FANCC: variants seen among roughly 807,000 people sequenced by gnomAD.
The protein encoded by FANCC is Fanconi anemia group C protein.
FANCC carries 55 observed loss-of-function variants against 71.3 expected under a neutral mutation model. That is an observed-to-expected ratio of 0.77 (90% CI 0.62 to 0.97). FANCC has a LOEUF of 0.97. Ranked by LOEUF, FANCC falls within the 50% of genes least tolerant of loss-of-function variation. The pLI is 0.00. For synonymous variants in FANCC, 275 were observed against 244.9 expected (o/e 1.12, Z -1.15); for missense variants, 678 against 670.9 (o/e 1.01, Z -0.12).
chr9:95,206,640 AAAG>A (rs1205085828), intron 4 of FANCC, among the ~76,000 whole-genome samples: 1 of 152,188 alleles, frequency 6.6e-6, no homozygotes, highest in East Asian at 1.9e-4. Context: ...TCAAGCTCTT[AAAG>A]AAGATATACA....
At position 95,204,284 on chromosome 9, in the gene FANCC, A is replaced by G. The variant is rs537039117; in HGVS notation, c.346-32137T>C. Reference sequence around the variant, plus strand: ...TTACTCATGTCTATTATATGGCTATATATCTGTTTTATGAATGGAGTTCAA... The same window carrying G: ...TTACTCATGTCTATTATATGGCTATGTATCTGTTTTATGAATGGAGTTCAA... On this transcript the variant is annotated intron_variant, in intron 4 of 14. Transcript: ENST00000289081. 3.9e-5 allele frequency among the ~76,000 whole-genome samples: 6 copies of G among 152,322 alleles called. No individual in the cohort carries two copies. The East Asian group carries it at 9.6e-4, about 24-fold the overall frequency.
intron 7 of FANCC, among the ~76,000 whole-genome samples, chr9:95,141,345 T>TGAGG (rs1346647671): frequency 6.9e-6 from 1 of 144,660 alleles, no homozygotes; most frequent in African/African-American, 2.6e-5. Flanking sequence ...AAAAAGGATG[T>TGAGG]GAGGAAGTCT....
At chr9:95,223,471 T>C (rs1483136212) in intron 4 of FANCC, among the ~76,000 whole-genome samples, 1 of 152,172 alleles carries the variant, frequency 6.6e-6, no homozygotes, top group Non-Finnish European at 1.5e-5. Context: ...CCAGTATGAC[T>C]TCATCTTAAC....
intron 1 of FANCC, among the ~76,000 whole-genome samples, chr9:95,268,915 T>C (rs564097592): frequency 1.3e-5 from 2 of 152,130 alleles, no homozygotes; most frequent in East Asian, 3.9e-4. Context: ...TCTCAGAACC[T>C]CTCCAAAGCC....
At chr9:95,237,480 T>C (rs1019067166) in intron 4 of FANCC, among the ~76,000 whole-genome samples, 1 of 152,242 alleles carries the variant, frequency 6.6e-6, no homozygotes, top group African/African-American at 2.4e-5. Context: ...AGTGGCTAAA[T>C]CCAAGTAGTG....
chr9:95,238,034 T>C (rs1193517736), intron 4 of FANCC, among the ~76,000 whole-genome samples: 1 of 152,224 alleles, frequency 6.6e-6, no homozygotes. Context: ...CACTGCTGTA[T>C]GGCATTAGAT....
intron 4 of FANCC, 57 bp downstream of exon 4, chr9:95,240,592 C>A: frequency 2.2e-6 from 3 of 1,377,418 alleles, no homozygotes; most frequent in Admixed American, 3.5e-5. Context: ...TTTTAAGCAG[C>A]ACTTTTAAAT....
In FANCC at chr9:95,100,363, T is replaced by G. The variant is rs1030618045; in HGVS notation, c.*1344A>C. ...AAAGTTCCTGGAATTTTCCAGATCT[T>G]CAGTGGATCTATTAGCATTGCCACA... On this transcript the variant is annotated 3_prime_UTR_variant, in exon 15 of 15. Transcript: ENST00000289081. 2.2e-5 allele frequency: 5 copies of G among 231,704 alleles called. No homozygotes were observed. Among genetic ancestry groups the G allele is most frequent in the Non-Finnish European group, 3.4e-5 (4 of 117,112 alleles). 14.4% of individuals were successfully genotyped at this position (231,704 alleles called of 1,614,324 possible).
chr9:95,164,243 T>G (rs979943246), intron 6 of FANCC, among the ~76,000 whole-genome samples: 3 of 152,184 alleles, frequency 2.0e-5, no homozygotes, highest in Non-Finnish European at 2.9e-5. Context: ...CCTTTCCAAT[T>G]TGGATGGAAA....
chr9:95,289,731 GC>G (rs1292390276), intron 1 of FANCC, among the ~76,000 whole-genome samples: 1 of 152,108 alleles, frequency 6.6e-6, no homozygotes, highest in African/African-American at 2.4e-5. Context: ...GCTCACTACA[GC>G]CTTGACCTCC....
chr9:95,114,203 T>C (rs1340872255), intron 12 of FANCC: 1 of 284,722 alleles, frequency 3.5e-6, no homozygotes, highest in South Asian at 4.0e-5. Context: ...CCCTACTGTG[T>C]AGGAGTTTCA....
chr9:95,305,491 A>T (rs892450727), intron 1 of FANCC, among the ~76,000 whole-genome samples: 1 of 152,222 alleles, frequency 6.6e-6, no homozygotes, highest in East Asian at 1.9e-4. Flanking sequence ...ATCACTTTAG[A>T]ATAAAATTCC....
intron 4 of FANCC, among the ~76,000 whole-genome samples, chr9:95,197,993 G>A (rs564028848): frequency 2.0e-5 from 3 of 152,286 alleles, no homozygotes; most frequent in East Asian, 1.9e-4. Flanking sequence ...CTCATCAGGG[G>A]AGAAGGTCTA....
chr9:95,103,737 TG>T (rs1403774205), intron 14 of FANCC, among the ~76,000 whole-genome samples: 1 of 151,600 alleles, frequency 6.6e-6, no homozygotes, highest in Admixed American at 6.6e-5. Flanking sequence ...AGCCGGGGAG[TG>T]GGCCTCCAGG....
chr9:95,278,549 G>C (rs1833181584), intron 1 of FANCC, among the ~76,000 whole-genome samples: 1 of 152,216 alleles, frequency 6.6e-6, no homozygotes, highest in African/African-American at 2.4e-5. Flanking sequence ...TCACAATGCT[G>C]GGCAGTGACA....
intron 4 of FANCC, among the ~76,000 whole-genome samples, chr9:95,191,225 AAG>A (rs1791349870): frequency 6.6e-6 from 1 of 152,012 alleles, no homozygotes. Context: ...ACAGAAGACT[AAG>A]AAAGCCTGAG....
intron 1 of FANCC, among the ~76,000 whole-genome samples, chr9:95,252,006 A>G (rs549505065): frequency 6.6e-5 from 10 of 152,174 alleles, no homozygotes; most frequent in Admixed American, 1.3e-4. Context: ...GGCGGGGCAC[A>G]GTGGCTCACA....
intron 1 of FANCC, among the ~76,000 whole-genome samples, chr9:95,253,979 C>T (rs1831508771): frequency 6.6e-6 from 1 of 152,242 alleles, no homozygotes; most frequent in Admixed American, 6.5e-5. Flanking sequence ...CGGAGCTCAA[C>T]CAGTGATGCT....
chr9:95,114,770 C>T (rs1442124094), intron 11 of FANCC, 60 bp from the exon 12 acceptor site: 2 of 1,428,414 alleles, frequency 1.4e-6, no homozygotes, highest in African/African-American at 2.8e-5. Context: ...CCATGAGGAA[C>T]CACCTGCAGG....
Sources: gnomAD v4.1 joint callset for allele counts (sites outside exome capture counted in the v4.1 genomes callset) on GRCh38, gnomAD v4.1.1 for gene constraint, MANE v1.5 for transcripts, NCBI Gene and HGNC (gene_info 2026-07-23, HGNC 2026-07-21) for gene names.